SH3PXD2B: variants seen among roughly 807,000 people sequenced by gnomAD.
The protein encoded by SH3PXD2B is SH3 and PX domain-containing protein 2B.
A neutral mutation model predicts 73.1 loss-of-function variants in SH3PXD2B; 37 were observed. The observed-to-expected ratio is 0.51, with a 90% CI of 0.39 to 0.67. SH3PXD2B has a LOEUF of 0.67. Among genes scored for constraint, SH3PXD2B ranks in the 30% least tolerant of loss-of-function variants. The probability of loss-of-function intolerance (pLI) is 0.00; values close to 1 mark genes in which losing one functional copy is unlikely to be tolerated. For missense variants in SH3PXD2B, 1,053 were observed against 1,197.8 expected, an observed-to-expected ratio of 0.88 and a Z score of 1.78; for synonymous variants, 457 against 480.5, an observed-to-expected ratio of 0.95 and a Z score of 0.64.
chr5:172,330,645 C>A (rs1164352733), downstream of SH3PXD2B, among the ~76,000 whole-genome samples: 1 of 152,176 alleles, frequency 6.6e-6, no homozygotes, highest in Non-Finnish European at 1.5e-5. Context: ...TTTCCAAATT[C>A]CTATCGACAT....
intron 12 of SH3PXD2B, among the ~76,000 whole-genome samples, chr5:172,343,621 T>C (rs963588068): frequency 4.6e-5 from 7 of 151,786 alleles, no homozygotes; most frequent in Admixed American, 3.9e-4. Flanking sequence ...GCCAACACGG[T>C]GAAACCCCGT....
At chr5:172,367,411 A>C (rs1396465833) in intron 6 of SH3PXD2B, among the ~76,000 whole-genome samples, 1 of 138,660 alleles carries the variant, frequency 7.2e-6, no homozygotes, top group Non-Finnish European at 1.5e-5. Context: ...TTTTTCAAAT[A>C]GATTTGGGGT....
At chr5:172,348,697 AT>A in intron 10 of SH3PXD2B, among the ~76,000 whole-genome samples, 1 of 41,102 alleles carries the variant, frequency 2.4e-5, no homozygotes, top group Non-Finnish European at 5.6e-5. Context: ...CTATCTATCT[AT>A]CTATCTATCT....
rs185361740 is a variant in SH3PXD2B, at chr5:172,344,202, A to G, written c.1188+1934T>C. The stretch of plus-strand genomic sequence containing the variant: ...CCTACTGCTAGAATGCTGTGGTTCC[A>G]TTAATGAATTTTGAAGGCTAAGATA... On this transcript the variant is annotated intron_variant, in intron 12 of 12. Coordinates refer to ENST00000311601, the MANE Select transcript of SH3PXD2B (RefSeq NM_001017995.3). 7.4e-4 allele frequency among the ~76,000 whole-genome samples: 113 copies of G among 152,274 alleles called. 1 individual carries two copies. The East Asian group carries it at 0.021, about 28-fold the overall frequency.
intron 7 of SH3PXD2B, among the ~76,000 whole-genome samples, chr5:172,360,618 G>A (rs915262938): frequency 6.6e-6 from 1 of 152,164 alleles, no homozygotes; most frequent in African/African-American, 2.4e-5. Context: ...GATCACCTGA[G>A]GTCAGTAGTT....
chr5:172,342,030 A>G (rs1581261016), intron 12 of SH3PXD2B, among the ~76,000 whole-genome samples: 2 of 152,176 alleles, frequency 1.3e-5, no homozygotes, highest in African/African-American at 4.8e-5. Context: ...TGTCCAAATA[A>G]GAAGAGGAGA....
chr5:172,451,436 T>C (rs1018193742), intron 1 of SH3PXD2B, among the ~76,000 whole-genome samples: 4 of 151,954 alleles, frequency 2.6e-5, no homozygotes, highest in African/African-American at 7.3e-5. Context: ...GGTGTCACAA[T>C]TGGGAAGGGG....
downstream of SH3PXD2B, among the ~76,000 whole-genome samples, chr5:172,330,100 A>G (rs116130475): frequency 5.1e-4 from 78 of 152,268 alleles, 1 homozygote; most frequent in African/African-American, 1.8e-3. Flanking sequence ...CAGAATACAC[A>G]CCGGTTGAGC....
At chr5:172,434,072 T>C (rs981064952) in intron 1 of SH3PXD2B, among the ~76,000 whole-genome samples, 1 of 152,134 alleles carries the variant, frequency 6.6e-6, no homozygotes, top group African/African-American at 2.4e-5. Context: ...AGACTAACTA[T>C]AGTTAACAAC....
intron 8 of SH3PXD2B, among the ~76,000 whole-genome samples, chr5:172,356,990 C>G (rs1181518308): frequency 6.6e-6 from 1 of 151,932 alleles, no homozygotes; most frequent in African/African-American, 2.4e-5. Flanking sequence ...TAATTCCATT[C>G]CTAGCATGAT....
rs1388476165 is a variant in SH3PXD2B at position 172,338,499 on chromosome 5, C to G, written c.2606G>C (p.Ser869Thr). 1.9e-6 allele frequency: 3 copies of G among 1,614,218 alleles called. No individual in the cohort carries two copies. The highest frequency in any genetic ancestry group is 2.2e-5 in the East Asian group (1 of 44,872). ...TTCAAACACTGTCCCTTCCTGGAAG[C>G]TGCTGGTGTCTTTGTCTCCTTCAAA... Reference protein sequence around the residue: ...ADFEGDKDTSSFQEGTVFEVR... With the variant: ...ADFEGDKDTSTFQEGTVFEVR... Residue 869 changes from serine (S) to threonine (T), a missense_variant, in exon 13 of 13, where the codon AGC becomes ACC. By Grantham distance (58) the Ser-to-Thr change is moderately conservative (BLOSUM62 1). This residue lies in a region of SH3PXD2B where 587 missense variants were observed against 590.7 expected (regional missense o/e 0.99). Transcript: ENST00000311601. This position sits in a 1 kb window ranked among gnomAD's most constrained non-coding sequence, Gnocchi z 5.1.
At chr5:172,444,610 G>A (rs1455287464) in intron 1 of SH3PXD2B, among the ~76,000 whole-genome samples, 2 of 152,158 alleles carry the variant, frequency 1.3e-5, no homozygotes, top group Non-Finnish European at 2.9e-5. Flanking sequence ...AATTGCCCTG[G>A]AATTTCAGGA....
At chr5:172,430,906 A>T (rs1759222837) in intron 1 of SH3PXD2B, among the ~76,000 whole-genome samples, 1 of 151,042 alleles carries the variant, frequency 6.6e-6, no homozygotes, top group Non-Finnish European at 1.5e-5. Context: ...TCGTTCTGTC[A>T]CTCAGGCTGG....
chr5:172,421,260 C>T lies in SH3PXD2B; in HGVS notation c.156+1156G>A, dbSNP rs1367671867. On this transcript the variant is annotated intron_variant, in intron 2 of 12. Transcript: ENST00000311601. This position sits in a 1 kb window ranked among gnomAD's most constrained non-coding sequence, Gnocchi z 4.0. ...ACTACCTCCCACACTTGCTGTTACA[C>T]GCCATTAGTGACATCAAGAAGAAAC... is the stretch of plus-strand genomic sequence containing the variant. Among the ~76,000 whole-genome samples the T allele has an allele frequency of 1.3e-5, 2 of 152,152 alleles. No individual in the cohort carries two copies. Among genetic ancestry groups the T allele is most frequent in the Non-Finnish European group, 2.9e-5 (2 of 68,038 alleles).
At chr5:172,358,557 G>A (rs1393077147) in intron 8 of SH3PXD2B, among the ~76,000 whole-genome samples, 1 of 152,222 alleles carries the variant, frequency 6.6e-6, no homozygotes, top group African/African-American at 2.4e-5. Flanking sequence ...GGCTCACATA[G>A]GTTGCTACCA....
At chr5:172,349,971 C>T (rs1411594451) in intron 10 of SH3PXD2B, among the ~76,000 whole-genome samples, 1 of 152,172 alleles carries the variant, frequency 6.6e-6, no homozygotes, top group African/African-American at 2.4e-5. Flanking sequence ...TCTCCTATCT[C>T]AGCCTCCCAA....
At chr5:172,450,123 T>C (rs1759762646) in intron 1 of SH3PXD2B, among the ~76,000 whole-genome samples, 1 of 152,126 alleles carries the variant, frequency 6.6e-6, no homozygotes, top group East Asian at 1.9e-4. Flanking sequence ...AATACTGCAT[T>C]GTGGTGACGG....
chr5:172,402,171 C>T (rs186937102), intron 3 of SH3PXD2B, among the ~76,000 whole-genome samples: 167 of 152,190 alleles, frequency 1.1e-3, no homozygotes, highest in African/African-American at 3.9e-3. Context: ...ACTCTGGGAA[C>T]GTCTTGTCTT....
At chr5:172,436,233 A>G (rs923630608) in intron 1 of SH3PXD2B, among the ~76,000 whole-genome samples, 8 of 152,192 alleles carry the variant, frequency 5.3e-5, no homozygotes, top group African/African-American at 1.9e-4. Context: ...CTGGCCTCCA[A>G]GAAGCCCCAG....
Sources: allele counts gnomAD v4.1 joint callset (sites outside exome capture counted in the v4.1 genomes callset), GRCh38; gene constraint gnomAD v4.1.1; regional missense constraint gnomAD v4.1.1; non-coding constraint Gnocchi (gnomAD v3.1); transcripts MANE v1.5; gene names NCBI Gene and HGNC (gene_info 2026-07-23, HGNC 2026-07-21).